Variants in GRIA1 observed in about 807,000 individuals in gnomAD.
GRIA1 encodes the protein glutamate ionotropic receptor AMPA type subunit 1, also known as glutamate receptor 1.
Under a neutral mutation model 99.2 loss-of-function variants are expected in GRIA1, and 31 were observed. The ratio of observed to expected loss-of-function variants is 0.31; its 90% CI spans 0.23 to 0.42. GRIA1 has a LOEUF of 0.42. Among genes scored for constraint, GRIA1 ranks in the 10% least tolerant of loss-of-function variants. The pLI is 1.00. For synonymous variants in GRIA1, 438 were observed against 432.4 expected (o/e 1.01, Z -0.16); for missense variants, 782 against 1,157.5 (o/e 0.68, Z 4.71).
At chr5:153,758,994 A>G (rs959299401) in intron 11 of GRIA1, among the ~76,000 whole-genome samples, 1 of 152,004 alleles carries the variant, frequency 6.6e-6, no homozygotes, top group Non-Finnish European at 1.5e-5. Context: ...TGAACAACCA[A>G]TGAATCAATG....
In GRIA1 at chr5:153,613,151, T is replaced by G. The variant is rs565197971; in HGVS notation, c.221-33777T>G. 1.1e-4 allele frequency among the ~76,000 whole-genome samples: 17 copies of G among 150,110 alleles called. No homozygotes were observed. The South Asian group carries it at 3.7e-3, about 32-fold the overall frequency. On this transcript the variant is annotated intron_variant, in intron 2 of 15. Transcript: ENST00000285900. The stretch of plus-strand genomic sequence containing the variant: ...AAAAATTTCTGTTCCAGGGAGTACT[T>G]TCTCAGTCACTCCTTTCCTAATGTA...
intron 3 of GRIA1, among the ~76,000 whole-genome samples, chr5:153,649,637 T>A (rs1754405964): frequency 1.3e-5 from 2 of 152,020 alleles, no homozygotes; most frequent in African/African-American, 4.8e-5. Context: ...TTTGTAATTT[T>A]TTTTAGTAGA....
At chr5:153,613,505 A>G (rs1766188348) in intron 2 of GRIA1, among the ~76,000 whole-genome samples, 1 of 152,062 alleles carries the variant, frequency 6.6e-6, no homozygotes, top group Non-Finnish European at 1.5e-5. Context: ...TCAACATTTT[A>G]TTTCCAGGCT....
intron 2 of GRIA1, among the ~76,000 whole-genome samples, chr5:153,550,398 T>C (rs750276675): frequency 2.0e-5 from 3 of 151,310 alleles, no homozygotes; most frequent in Non-Finnish European, 4.4e-5. Flanking sequence ...AAAAAAAAAA[T>C]TAAGGCAGGG....
At chr5:153,735,055 T>C (rs6580035) in intron 11 of GRIA1, among the ~76,000 whole-genome samples, 91,514 of 151,928 alleles carry the variant, frequency 0.6, 28,369 homozygotes, top group East Asian at 0.94. Context: ...AGTGATATTG[T>C]TAAACACCCT....
intron 2 of GRIA1, among the ~76,000 whole-genome samples, chr5:153,555,135 T>A (rs1326080196): frequency 2.0e-5 from 3 of 151,750 alleles, no homozygotes; most frequent in Non-Finnish European, 4.4e-5. Flanking sequence ...CAGGAGGATA[T>A]GAAATAGAGT....
chr5:153,539,022 G>A (rs974904012), intron 2 of GRIA1, among the ~76,000 whole-genome samples: 5 of 152,184 alleles, frequency 3.3e-5, no homozygotes, highest in Non-Finnish European at 7.3e-5. Flanking sequence ...CTGGGTTTGT[G>A]AACTAATCAA....
intron 2 of GRIA1, among the ~76,000 whole-genome samples, chr5:153,531,988 C>T (rs1493396): frequency 0.64 from 97,931 of 151,846 alleles, 31,951 homozygotes; most frequent in East Asian, 0.83. Flanking sequence ...AAAACCCTCT[C>T]TAGGGAAACT....
At chr5:153,688,314 A>G (rs1169171537) in intron 8 of GRIA1, among the ~76,000 whole-genome samples, 1 of 152,100 alleles carries the variant, frequency 6.6e-6, no homozygotes, top group East Asian at 1.9e-4. Flanking sequence ...TTGATTGTAC[A>G]CAGACACTCT....
At chr5:153,563,653 G>A (rs531789637) in intron 2 of GRIA1, among the ~76,000 whole-genome samples, 6 of 152,184 alleles carry the variant, frequency 3.9e-5, no homozygotes, top group Admixed American at 6.5e-5. Context: ...TTGTGGAGCA[G>A]ATCAAAAACA....
intron 2 of GRIA1, among the ~76,000 whole-genome samples, chr5:153,629,291 G>A (rs1469590087): frequency 6.6e-6 from 1 of 152,174 alleles, no homozygotes; most frequent in East Asian, 1.9e-4. Flanking sequence ...TCCTCAGCAT[G>A]CTTTTCACAG....
At chr5:153,708,223 C>T (rs7735784) in intron 11 of GRIA1, among the ~76,000 whole-genome samples, 106,658 of 152,008 alleles carry the variant, frequency 0.7, 37,844 homozygotes, top group East Asian at 0.96. Flanking sequence ...GCAATGGTTA[C>T]CCAAAACTGA....
intron 2 of GRIA1, among the ~76,000 whole-genome samples, chr5:153,618,173 G>T (rs1414463948): frequency 6.6e-6 from 1 of 152,176 alleles, no homozygotes; most frequent in Admixed American, 6.5e-5. Flanking sequence ...CTAGGATAAG[G>T]CTTGAATGGT....
At chr5:153,688,738 G>T (rs1187050340) in intron 8 of GRIA1, among the ~76,000 whole-genome samples, 2 of 132,736 alleles carry the variant, frequency 1.5e-5, no homozygotes, top group Non-Finnish European at 1.7e-5. Flanking sequence ...TGTTTTTTTG[G>T]AGACAGAGCC....
At position 153,685,584 on chromosome 5, in the gene GRIA1, T is replaced by TA. The variant is rs371900675; in HGVS notation, c.1030-634dup. On this transcript the variant is annotated intron_variant, in intron 7 of 15. Coordinates refer to ENST00000285900, the MANE Select transcript of GRIA1 (RefSeq NM_000827.4). ...TCACATTAGCAGTTATCATTTAAGA[T>TA]AAAAAAAGGGCAGAGATTTTTGGAA... Among the ~76,000 whole-genome samples, 7 of 152,260 alleles carry TA rather than the reference T, an allele frequency of 4.6e-5. No homozygotes were observed. The East Asian group carries it at 7.7e-4, about 17-fold the overall frequency.
chr5:153,692,900 G>GA (rs551054248), intron 8 of GRIA1, among the ~76,000 whole-genome samples: 4 of 151,966 alleles, frequency 2.6e-5, no homozygotes, highest in Non-Finnish European at 4.4e-5. Context: ...ATAAGTAAGG[G>GA]AAAAAAATGC....
intron 11 of GRIA1, among the ~76,000 whole-genome samples, chr5:153,746,672 C>T (rs1156959320): frequency 6.6e-6 from 1 of 152,122 alleles, no homozygotes; most frequent in African/African-American, 2.4e-5. Context: ...GGGGTGGGGG[C>T]CTCTGGATGC....
intron 13 of GRIA1, among the ~76,000 whole-genome samples, chr5:153,773,544 T>C (rs904828138): frequency 5.9e-5 from 9 of 152,248 alleles, no homozygotes; most frequent in African/African-American, 1.9e-4. Context: ...GGAGTAACCC[T>C]GCTTTTATGG....
intron 11 of GRIA1, among the ~76,000 whole-genome samples, chr5:153,742,205 A>G (rs985903023): frequency 9.9e-5 from 15 of 152,208 alleles, no homozygotes; most frequent in Non-Finnish European, 1.0e-4. Context: ...TTTTGAAGTG[A>G]GGAAGAATGT....
Sources: gnomAD v4.1 joint callset for allele counts (sites outside exome capture counted in the v4.1 genomes callset) on GRCh38, gnomAD v4.1.1 for gene constraint, MANE v1.5 for transcripts, NCBI Gene and HGNC (gene_info 2026-07-23, HGNC 2026-07-21) for gene names.